Variants in PHF21B observed in about 807,000 individuals in gnomAD.
PHF21B encodes the protein PHD finger protein 21B.
A neutral mutation model predicts 62.2 loss-of-function variants in PHF21B; 22 were observed. That is an observed-to-expected ratio of 0.35 (90% CI 0.25 to 0.51). The LOEUF (loss-of-function observed/expected upper bound fraction) is 0.51. PHF21B is among the 20% of genes least tolerant of loss of function. The pLI is 0.97. For missense variants in PHF21B, 701 were observed against 707.9 expected, an observed-to-expected ratio of 0.99 and a Z score of 0.11; for synonymous variants, 341 against 314.7, an observed-to-expected ratio of 1.08 and a Z score of -0.88.
chr22:44,956,632 G>A (rs1479619524), intron 2 of PHF21B, among the ~76,000 whole-genome samples: 2 of 151,000 alleles, frequency 1.3e-5, no homozygotes, highest in African/African-American at 2.5e-5. Context: ...TGCCCAGGGA[G>A]ACCTCGAGGG....
In PHF21B at chr22:44,995,718, A is replaced by AT. The variant is rs1224758974; in HGVS notation, c.120+12826dup. Among the ~76,000 whole-genome samples the AT allele has an allele frequency of 3.3e-5, 5 of 152,170 alleles. No homozygotes were observed. In the South Asian group the frequency reaches 1.0e-3, roughly 32 times the overall value. On this transcript the variant is annotated intron_variant, in intron 2 of 12. Transcript: ENST00000313237. ...TCAGTCACTGCATTTAGCACTCGGT[A>AT]TGTCGGCACCTTCCGAGATGTTGAG...
At chr22:44,990,884 G>C (rs2073032275) in intron 2 of PHF21B, among the ~76,000 whole-genome samples, 1 of 152,242 alleles carries the variant, frequency 6.6e-6, no homozygotes, top group Non-Finnish European at 1.5e-5. Context: ...AATAAAGCCA[G>C]GAGTGTGACC....
In PHF21B at chr22:44,913,316, G is replaced by C. The variant is rs550164983; in HGVS notation, c.831+506C>G. Reference sequence around the variant, plus strand: ...CTGGCCATGGCAGAGAAGAGGCAGGGGCCACTGCCCAGAGGAGCCCCTTTC... The same window carrying C: ...CTGGCCATGGCAGAGAAGAGGCAGGCGCCACTGCCCAGAGGAGCCCCTTTC... On this transcript the variant is annotated intron_variant, in intron 5 of 12. Transcript: ENST00000313237. 4.6e-5 allele frequency among the ~76,000 whole-genome samples: 7 copies of C among 152,296 alleles called. No individual in the cohort carries two copies. The South Asian group carries it at 1.4e-3, about 32-fold the overall frequency.
intron 2 of PHF21B, among the ~76,000 whole-genome samples, chr22:44,942,250 T>C (rs2071972772): frequency 6.6e-6 from 1 of 151,986 alleles, no homozygotes; most frequent in Admixed American, 6.5e-5. Flanking sequence ...GGGACACAGA[T>C]CCAGGCCACC....
chr22:44,891,250 G>A, intron 8 of PHF21B, 56 bp downstream of exon 8: 1 of 1,595,072 alleles, frequency 6.3e-7, no homozygotes, highest in South Asian at 1.1e-5. Flanking sequence ...ACCACCCAGG[G>A]ATGACTCCCC....
intron 2 of PHF21B, among the ~76,000 whole-genome samples, chr22:44,942,780 G>A (rs1196126205): frequency 1.3e-5 from 2 of 152,170 alleles, no homozygotes; most frequent in South Asian, 2.1e-4. Context: ...GCAGTCCTAG[G>A]AGGACACCCG....
intron 2 of PHF21B, among the ~76,000 whole-genome samples, chr22:44,960,263 G>A (rs1440746765): frequency 2.6e-5 from 4 of 152,218 alleles, no homozygotes; most frequent in African/African-American, 7.2e-5. Flanking sequence ...CTGCAGAGAC[G>A]CCCCCTTCCC....
rs1410616526 is a variant in PHF21B, at chr22:44,943,265, C to T, written c.121-22775G>A. Among the ~76,000 whole-genome samples, 3 of 152,272 alleles carry T rather than the reference C, an allele frequency of 2.0e-5. No homozygotes were observed. In the East Asian group the frequency reaches 5.8e-4, roughly 29 times the overall value. On this transcript the variant is annotated intron_variant, in intron 2 of 12. Transcript: ENST00000313237. ...AGCACACAGTCCCTGTGCCTGTCCC[C>T]CAGTAGCACAGCCAGGGGCTCGGGG...
chr22:44,993,345 G>A (rs566680564), intron 2 of PHF21B, among the ~76,000 whole-genome samples: 1 of 152,296 alleles, frequency 6.6e-6, no homozygotes, highest in East Asian at 1.9e-4. Flanking sequence ...GGTAAAAGGG[G>A]GATCGCAGGA....
At chr22:45,006,371 A>C (rs1360915120) in intron 2 of PHF21B, among the ~76,000 whole-genome samples, 1 of 152,228 alleles carries the variant, frequency 6.6e-6, no homozygotes, top group Non-Finnish European at 1.5e-5. Context: ...TTCTTTTTAA[A>C]CACACACTCA....
chr22:44,948,539 C>A (rs987806982), intron 2 of PHF21B, among the ~76,000 whole-genome samples: 2 of 149,736 alleles, frequency 1.3e-5, no homozygotes, highest in African/African-American at 5.0e-5. Flanking sequence ...TAAAAAAAAA[C>A]ATTTAGCTAG....
intron 2 of PHF21B, among the ~76,000 whole-genome samples, chr22:45,004,431 C>T (rs1250596864): frequency 6.6e-6 from 1 of 152,156 alleles, no homozygotes; most frequent in Non-Finnish European, 1.5e-5. Flanking sequence ...GGTAGCCAGG[C>T]TAACCAGGGG....
intron 5 of PHF21B, among the ~76,000 whole-genome samples, chr22:44,906,611 T>C (rs761318400): frequency 1.6e-4 from 24 of 152,224 alleles, no homozygotes; most frequent in Admixed American, 7.2e-4. Flanking sequence ...AGGCAGGCTG[T>C]AGGCCCTGGG....
chr22:44,978,008 T>TTTCCTTG (rs1732075686), intron 2 of PHF21B, among the ~76,000 whole-genome samples: 8 of 152,192 alleles, frequency 5.3e-5, no homozygotes. Flanking sequence ...ACTCATTCCT[T>TTTCCTTG]TTCCTTGCTG....
At chr22:44,892,437 C>T (rs533484886) in intron 7 of PHF21B, among the ~76,000 whole-genome samples, 28 of 152,344 alleles carry the variant, frequency 1.8e-4, no homozygotes, top group Non-Finnish European at 1.2e-4. Context: ...TGCCGCTCTG[C>T]GCGAAACGCC....
chr22:44,946,063 T>G (rs1022110528), intron 2 of PHF21B, among the ~76,000 whole-genome samples: 1 of 150,500 alleles, frequency 6.6e-6, no homozygotes, highest in Non-Finnish European at 1.5e-5. Context: ...GACACCGCCC[T>G]GGCCTCCACC....
chr22:44,886,484 C>T (rs1394692964), intron 10 of PHF21B, among the ~76,000 whole-genome samples: 1 of 148,752 alleles, frequency 6.7e-6, no homozygotes, highest in Admixed American at 6.7e-5. Flanking sequence ...CCCAGGAGTT[C>T]GAGATCAGCC....
Position 44,984,506 on chromosome 22 carries a change from G to C in PHF21B, c.120+24039C>G, listed in dbSNP as rs189824229. Among the ~76,000 whole-genome samples the C allele has an allele frequency of 2.0e-5, 3 of 152,286 alleles. No individual in the cohort carries two copies. In the East Asian group the frequency reaches 5.8e-4, roughly 29 times the overall value. ...AGGTATGGGGAGGCACCAGGCTTCC[G>C]CAGGTGAACAGAGCTCGGGGATTCA... On this transcript the variant is annotated intron_variant, in intron 2 of 12. Transcript: ENST00000313237.
chr22:44,883,321 C>A lies in PHF21B; in HGVS notation c.1378-17G>T. The A allele has an allele frequency of 6.2e-7, 1 of 1,611,078 alleles. No homozygotes were observed. The highest frequency in any genetic ancestry group is 1.1e-5 in the South Asian group (1 of 90,758). ...CAGGCATTTCTGTTGGGGAGAAGGT[C>A]AGGGGAAAGGGTCTCAGTATTCGGC... On this transcript the variant is annotated splice_polypyrimidine_tract_variant and intron_variant, in intron 12 of 12. Transcript: ENST00000313237.
Sources: gnomAD v4.1 joint callset for allele counts (sites outside exome capture counted in the v4.1 genomes callset) on GRCh38, gnomAD v4.1.1 for gene constraint, MANE v1.5 for transcripts, NCBI Gene and HGNC (gene_info 2026-07-23, HGNC 2026-07-21) for gene names.